Variants in CSMD3 observed in about 807,000 individuals in gnomAD.
CSMD3 encodes the protein CUB and Sushi multiple domains 3.
A neutral mutation model predicts 435.2 loss-of-function variants in CSMD3; 177 were observed. The ratio of observed to expected loss-of-function variants is 0.41; its 90% confidence interval spans 0.36 to 0.46. CSMD3 has a LOEUF of 0.46. Among genes scored for constraint, CSMD3 ranks in the 20% least tolerant of loss-of-function variants. CSMD3 has a pLI of 0.34. For missense variants in CSMD3, 4,265 were observed against 4,504.6 expected (o/e 0.95, Z 1.52); for synonymous variants, 1,656 against 1,520.5 (o/e 1.09, Z -2.07).
rs553824531 is a variant in CSMD3 at position 112,735,215 on chromosome 8, G to A, written c.1973-45165C>T. On this transcript the variant is annotated intron_variant, in intron 13 of 70. Coordinates refer to ENST00000297405, the MANE Select transcript of CSMD3 (RefSeq NM_198123.2). The stretch of plus-strand genomic sequence containing the variant: ...TTGTTCTGTATATAGCGAAGTATGA[G>A]CTGAAGTTGGTTATTTAATGACTAT... 2.0e-5 allele frequency among the ~76,000 whole-genome samples: 3 copies of A among 152,134 alleles called. No homozygotes were observed. The East Asian group carries it at 5.8e-4, about 29-fold the overall frequency.
At chr8:112,297,249 CA>C (rs10551780) in intron 53 of CSMD3, among the ~76,000 whole-genome samples, 58,155 of 115,684 alleles carry the variant, frequency 0.5, 12,452 homozygotes, top group Middle Eastern at 0.64. Context: ...AGTAAAGCCT[CA>C]AAAAAAAAAA....
chr8:112,404,524 TAA>T (rs774206413), intron 35 of CSMD3, among the ~76,000 whole-genome samples: 1 of 138,630 alleles, frequency 7.2e-6, no homozygotes, highest in African/African-American at 2.6e-5. Flanking sequence ...TGAGACTCCA[TAA>T]AAAAAAAAAA....
intron 1 of CSMD3, among the ~76,000 whole-genome samples, chr8:113,422,521 T>C (rs1280073614): frequency 6.6e-6 from 1 of 152,142 alleles, no homozygotes; most frequent in African/African-American, 2.4e-5. Context: ...ACAGAGACTG[T>C]GTGTTGCAGT....
intron 5 of CSMD3, among the ~76,000 whole-genome samples, chr8:113,036,470 A>C (rs1036014207): frequency 6.6e-6 from 1 of 152,020 alleles, no homozygotes; most frequent in Non-Finnish European, 1.5e-5. Context: ...GTCTTCAATT[A>C]CCTATTCAAG....
At chr8:113,061,941 T>G (rs1054842302) in intron 5 of CSMD3, among the ~76,000 whole-genome samples, 7 of 151,852 alleles carry the variant, frequency 4.6e-5, no homozygotes, top group Admixed American at 1.3e-4. Context: ...TGTACATAAT[T>G]CATGATACAT....
chr8:112,376,155 G>A (rs1308501045), intron 38 of CSMD3, among the ~76,000 whole-genome samples: 3 of 152,050 alleles, frequency 2.0e-5, no homozygotes, highest in Non-Finnish European at 4.4e-5. Flanking sequence ...GCTTTTGGGT[G>A]ATCTACCACA....
intron 45 of CSMD3, among the ~76,000 whole-genome samples, chr8:112,330,954 C>T (rs1823989777): frequency 1.3e-5 from 2 of 152,018 alleles, no homozygotes; most frequent in South Asian, 2.1e-4. Context: ...CCAGCCAGCC[C>T]TTCTACTTAT....
At chr8:112,753,309 C>A (rs1019673035) in intron 13 of CSMD3, among the ~76,000 whole-genome samples, 10 of 151,996 alleles carry the variant, frequency 6.6e-5, no homozygotes, top group African/African-American at 2.2e-4. Context: ...TTTTCTTGTT[C>A]AATTTTTATT....
chr8:112,705,912 A>G (rs1360215286), intron 13 of CSMD3, among the ~76,000 whole-genome samples: 2 of 152,060 alleles, frequency 1.3e-5, no homozygotes, highest in Non-Finnish European at 1.5e-5. Flanking sequence ...TGATAAGGGA[A>G]TCCTCCTTGA....
rs1588568578 is a variant in CSMD3 at position 113,348,066 on chromosome 8, T to C, written c.179-33273A>G. Among the ~76,000 whole-genome samples the C allele has an allele frequency of 2.6e-5, 4 of 152,300 alleles. No homozygotes were observed. In the East Asian group the frequency reaches 7.7e-4, roughly 29 times the overall value. On this transcript the variant is annotated intron_variant, in intron 1 of 70. Transcript: ENST00000297405. ...AGTACAACTGAGAAAGGCAGTCACC[T>C]CTTACTCTCTAACCAGAAAATAAGA...
intron 32 of CSMD3, among the ~76,000 whole-genome samples, chr8:112,469,160 CAAAAAA>C (rs71309771): frequency 2.6e-4 from 24 of 91,638 alleles, no homozygotes; most frequent in East Asian, 6.0e-4. Context: ...CTACACCAGG[CAAAAAA>C]AAAAAAAAAA....
At chr8:113,069,451 C>T (rs1208908680) in intron 5 of CSMD3, among the ~76,000 whole-genome samples, 3 of 151,988 alleles carry the variant, frequency 2.0e-5, no homozygotes, top group African/African-American at 7.2e-5. Context: ...ATTTTAAATT[C>T]CATGAATGTA....
At chr8:112,953,073 A>G (rs1460116810) in intron 8 of CSMD3, among the ~76,000 whole-genome samples, 1 of 151,450 alleles carries the variant, frequency 6.6e-6, no homozygotes, top group Admixed American at 6.6e-5. Flanking sequence ...AACATTTGGA[A>G]GTTTGAACCA....
chr8:112,958,507 T>C (rs1450898616), intron 7 of CSMD3, among the ~76,000 whole-genome samples: 2 of 152,306 alleles, frequency 1.3e-5, no homozygotes, highest in East Asian at 3.9e-4. Flanking sequence ...TTAAGCCACG[T>C]AGTGGATTAT....
chr8:112,420,124 C>T (rs895092130), intron 32 of CSMD3, among the ~76,000 whole-genome samples: 9 of 152,208 alleles, frequency 5.9e-5, no homozygotes, highest in African/African-American at 1.7e-4. Context: ...CTCCTATGGA[C>T]TATAAATTAA....
intron 4 of CSMD3, among the ~76,000 whole-genome samples, chr8:113,117,869 C>A (rs577027249): frequency 1.6e-4 from 24 of 152,206 alleles, no homozygotes; most frequent in Non-Finnish European, 2.9e-4. Flanking sequence ...TGGCCAATTT[C>A]TCCCACTTGG....
intron 2 of CSMD3, among the ~76,000 whole-genome samples, chr8:113,291,531 A>G (rs112638780): frequency 0.013 from 2,010 of 152,000 alleles, 27 homozygotes; most frequent in Middle Eastern, 0.044. Context: ...AATAAAAAAT[A>G]CTGACTACTT....
chr8:112,259,273 A>C (rs1485577429), intron 61 of CSMD3, among the ~76,000 whole-genome samples: 2 of 152,170 alleles, frequency 1.3e-5, no homozygotes, highest in Admixed American at 1.3e-4. Context: ...AAAAAGGATG[A>C]GTTATTGTCC....
intron 11 of CSMD3, among the ~76,000 whole-genome samples, chr8:112,836,645 A>G (rs577874726): frequency 6.6e-6 from 1 of 152,022 alleles, no homozygotes; most frequent in South Asian, 2.1e-4. Context: ...CCATCTCACA[A>G]TACGTAGTTT....
Sources: gnomAD v4.1 joint callset for allele counts (sites outside exome capture counted in the v4.1 genomes callset) on GRCh38, gnomAD v4.1.1 for gene constraint, MANE v1.5 for transcripts, NCBI Gene and HGNC (gene_info 2026-07-23, HGNC 2026-07-21) for gene names.